The following NXPE4 variants were observed in gnomAD, a reference collection of about 807,000 sequenced individuals.
NXPE4 encodes the protein neurexophilin and PC-esterase domain family member 4, also known as NXPE family member 4.
In NXPE4, 42 loss-of-function variants were observed where a neutral mutation model predicts 33.3. The ratio of observed to expected loss-of-function variants is 1.26; its 90% CI spans 0.98 to 1.63. The LOEUF (loss-of-function observed/expected upper bound fraction) is 1.63, where lower values mean the gene tolerates loss of function less well. Ranked by LOEUF, NXPE4 falls within the 40% of genes most tolerant of loss-of-function variation. NXPE4 has a pLI of 0.00. For synonymous variants in NXPE4, 253 were observed against 234.9 expected (o/e 1.08, Z -0.71); for missense variants, 709 against 647.6 (o/e 1.09, Z -1.03).
the NXPE4 span, among the ~76,000 whole-genome samples, chr11:114,665,410 C>T: frequency 1.3e-5 from 2 of 152,148 alleles, no homozygotes; most frequent in African/African-American, 4.8e-5. Flanking sequence ...ATAGCACAAC[C>T]TGATTTCAAT....
At chr11:114,583,234 G>A in intron 2 of NXPE4, 1 of 688,610 alleles carries the variant, frequency 1.5e-6, no homozygotes, top group Non-Finnish European at 2.5e-6. Context: ...GAGAGACAGA[G>A]GGACAGGAAG....
the NXPE4 span, among the ~76,000 whole-genome samples, chr11:114,613,078 G>A: frequency 7.9e-5 from 12 of 151,768 alleles, no homozygotes; most frequent in South Asian, 2.1e-4. Flanking sequence ...ACTGTTACCC[G>A]GTGGATAATA....
the NXPE4 span, among the ~76,000 whole-genome samples, chr11:114,632,933 T>G: frequency 1.0e-5 from 1 of 98,334 alleles, no homozygotes; most frequent in African/African-American, 4.2e-5. Flanking sequence ...AATTATATAA[T>G]AATATATATT....
At chr11:114,673,853 A>G in the NXPE4 span, among the ~76,000 whole-genome samples, 31 of 151,826 alleles carry the variant, frequency 2.0e-4, no homozygotes, top group Non-Finnish European at 4.0e-4. Context: ...CAAATTGCTC[A>G]TGAGGAAATT....
At chr11:114,615,953 T>A in the NXPE4 span, among the ~76,000 whole-genome samples, 1 of 151,572 alleles carries the variant, frequency 6.6e-6, no homozygotes, top group Non-Finnish European at 1.5e-5. Flanking sequence ...GTAACCACTG[T>A]TACCCATTGG....
the NXPE4 span, among the ~76,000 whole-genome samples, chr11:114,603,670 C>G: frequency 6.6e-6 from 1 of 151,620 alleles, no homozygotes; most frequent in Non-Finnish European, 1.5e-5. Context: ...TGCCTCGTCT[C>G]TTGGGTAACT....
the NXPE4 span, among the ~76,000 whole-genome samples, chr11:114,601,420 T>A: frequency 7.4e-6 from 1 of 134,998 alleles, no homozygotes; most frequent in African/African-American, 2.7e-5. Context: ...AAAGATGTAA[T>A]TTTGTTCTTT....
In NXPE4 at chr11:114,573,679, T is replaced by A. The variant is rs571811919; in HGVS notation, c.1100-2206A>T. Among the ~76,000 whole-genome samples the A allele has an allele frequency of 1.1e-4, 16 of 152,134 alleles. 1 individual carries two copies. The South Asian group carries it at 2.3e-3, about 22-fold the overall frequency. ...CAGGAAAATACCACAATTCTAAATA[T>A]ATATGCATCTAACACTGGAGCTCCC... On this transcript the variant is annotated intron_variant, in intron 5 of 5. Transcript: ENST00000375478.
At chr11:114,639,867 T>A in the NXPE4 span, among the ~76,000 whole-genome samples, 205 of 44,726 alleles carry the variant, frequency 4.6e-3, no homozygotes, top group South Asian at 7.1e-3. Context: ...TATTATATTT[T>A]ATATTAAATA....
At chr11:114,652,429 C>G in the NXPE4 span, among the ~76,000 whole-genome samples, 1 of 152,166 alleles carries the variant, frequency 6.6e-6, no homozygotes, top group Non-Finnish European at 1.5e-5. Context: ...GATTCCAACA[C>G]TTTCAGGATT....
the NXPE4 span, among the ~76,000 whole-genome samples, chr11:114,675,397 A>G: frequency 1.3e-5 from 2 of 151,894 alleles, no homozygotes; most frequent in East Asian, 1.9e-4. Flanking sequence ...GAGCTTATAT[A>G]TAGAGAACTC....
rs1591335457 is a variant in NXPE4 at position 114,580,489 on chromosome 11, C to T, written c.893-151G>A. ...TTACTGAAGTATTCTCTTAATGGAA[C>T]AGCTGTTTTTTTAATAAAAATTTTT... On this transcript the variant is annotated intron_variant, in intron 4 of 5. Coordinates refer to ENST00000375478, the MANE Select transcript of NXPE4 (RefSeq NM_001077639.2). The T allele has an allele frequency of 1.6e-5, 10 of 638,900 alleles. No homozygotes were observed. In the East Asian group the frequency reaches 2.7e-4, roughly 17 times the overall value. 39.6% of individuals were successfully genotyped at this position (638,900 alleles called of 1,614,324 possible).
chr11:114,588,677 T>A (rs1949366779), intron 2 of NXPE4, among the ~76,000 whole-genome samples: 1 of 152,176 alleles, frequency 6.6e-6, no homozygotes, highest in Non-Finnish European at 1.5e-5. Flanking sequence ...CACTTTTTAA[T>A]GTGCATATTG....
chr11:114,611,383 G>C, the NXPE4 span, among the ~76,000 whole-genome samples: 1 of 147,940 alleles, frequency 6.8e-6, no homozygotes. Flanking sequence ...GTGTTGCCTC[G>C]TGGGTAACCA....
At chr11:114,576,307 C>A (rs566127716) in intron 5 of NXPE4, among the ~76,000 whole-genome samples, 1 of 151,880 alleles carries the variant, frequency 6.6e-6, no homozygotes, top group African/African-American at 2.4e-5. Context: ...ACTTTATGAC[C>A]AAGGACCCAA....
At chr11:114,650,883 C>T in the NXPE4 span, among the ~76,000 whole-genome samples, 1,208 of 152,102 alleles carry the variant, frequency 7.9e-3, 8 homozygotes, top group Admixed American at 0.012. Context: ...ACAGTAAAAA[C>T]GGCAAGCTGC....
upstream of NXPE4, among the ~76,000 whole-genome samples, chr11:114,598,082 T>C (rs1350769991): frequency 6.6e-6 from 1 of 152,006 alleles, no homozygotes; most frequent in African/African-American, 2.4e-5. Flanking sequence ...ATTGGGTAAA[T>C]GTAAAAAAAT....
rs1948877351 is a variant in NXPE4, at chr11:114,571,262, C to T, written c.1311G>A (p.Gln437=). Residue 437 remains glutamine, a synonymous_variant, in exon 6 of 6, where the codon CAG becomes CAA. Transcript: ENST00000375478. The part of the protein sequence containing the change: ...KNTVIVISLG[Q]HFRPFPIDVF... ...CATCAATGGGAAAGGGTCTGAAATGCTGGCCCAGGGAAATAACAATGACAG... is the reference window on the plus strand; with the variant it reads ...CATCAATGGGAAAGGGTCTGAAATGTTGGCCCAGGGAAATAACAATGACAG... 6.2e-7 allele frequency: 1 copy of T among 1,613,906 alleles called. No homozygotes were observed. The highest frequency in any genetic ancestry group is 1.3e-5 in the African/African-American group (1 of 74,910).
the NXPE4 span, among the ~76,000 whole-genome samples, chr11:114,639,916 T>C: frequency 3.5e-5 from 4 of 113,922 alleles, no homozygotes; most frequent in Non-Finnish European, 6.4e-5. Flanking sequence ...TAAAATATAA[T>C]ATTATATTAT....
Sources: gnomAD v4.1 joint callset for allele counts (sites outside exome capture counted in the v4.1 genomes callset) on GRCh38, gnomAD v4.1.1 for gene constraint, MANE v1.5 for transcripts, NCBI Gene and HGNC (gene_info 2026-07-23, HGNC 2026-07-21) for gene names.